The following CSMD1 variants were observed in gnomAD, a reference collection of about 807,000 sequenced individuals.
CSMD1 encodes the protein CUB and sushi domain-containing protein 1.
CSMD1 carries 213 observed loss-of-function variants against 417.5 expected under a neutral mutation model. That is an observed-to-expected ratio of 0.51 (90% CI 0.46 to 0.57). The LOEUF (loss-of-function observed/expected upper bound fraction) is 0.57. Among genes scored for constraint, CSMD1 ranks in the 20% least tolerant of loss-of-function variants. The probability of loss-of-function intolerance (pLI) is 0.00; values close to 1 mark genes in which losing one functional copy is unlikely to be tolerated. For missense variants in CSMD1, 6,923 were observed against 4,529.7 expected (o/e 1.53, Z -15.17); for synonymous variants, 2,862 against 1,736.8 (o/e 1.65, Z -16.11).
intron 22 of CSMD1, among the ~76,000 whole-genome samples, chr8:3,344,532 C>T (rs146066294): frequency 0.011 from 1,670 of 152,258 alleles, 36 homozygotes; most frequent in African/African-American, 0.038. Context: ...TAGGTGGGCA[C>T]GGCTAATCCA....
chr8:3,563,910 C>T (rs1200726880), intron 10 of CSMD1, among the ~76,000 whole-genome samples: 1 of 152,082 alleles, frequency 6.6e-6, no homozygotes, highest in Non-Finnish European at 1.5e-5. Flanking sequence ...AACAGACAAA[C>T]ACACCAACAT....
At chr8:3,777,223 A>G (rs1205395390) in intron 5 of CSMD1, among the ~76,000 whole-genome samples, 7 of 152,050 alleles carry the variant, frequency 4.6e-5, no homozygotes, top group African/African-American at 1.4e-4. Context: ...GCCTTCTCCT[A>G]TAGAACATGA....
At chr8:4,804,379 G>GCC (rs1294449849) in intron 1 of CSMD1, among the ~76,000 whole-genome samples, 2 of 151,932 alleles carry the variant, frequency 1.3e-5, no homozygotes, top group Admixed American at 6.6e-5. Context: ...TTTGATGCAG[G>GCC]TATTTTAAGA....
intron 2 of CSMD1, among the ~76,000 whole-genome samples, chr8:4,462,283 AAATTT>A (rs1246533227): frequency 6.6e-6 from 1 of 152,222 alleles, no homozygotes; most frequent in African/African-American, 2.4e-5. Context: ...AATTAGGAAT[AAATTT>A]AACAAAATAA....
In CSMD1 at chr8:4,925,616, G is replaced by C. The variant is rs532499083; in HGVS notation, c.85+68716C>G. On this transcript the variant is annotated intron_variant, in intron 1 of 69. Transcript: ENST00000635120. ...GGCTGGAGTGCAGTGGTGCAGTCTC[G>C]GCTCACTGCAAGCTCTGCCTCCCGG... 1.4e-3 allele frequency among the ~76,000 whole-genome samples: 211 copies of C among 150,170 alleles called. 1 individual carries two copies. The highest frequency in any genetic ancestry group is 5.1e-3 in the African/African-American group (207 of 40,764).
chr8:3,603,721 A>G (rs1801472710), intron 8 of CSMD1, among the ~76,000 whole-genome samples: 2 of 152,200 alleles, frequency 1.3e-5, no homozygotes, highest in Non-Finnish European at 2.9e-5. Flanking sequence ...AATTTTCTTA[A>G]AAAACCCCCT....
intron 9 of CSMD1, among the ~76,000 whole-genome samples, chr8:3,579,991 C>T (rs1800314175): frequency 6.6e-6 from 1 of 152,074 alleles, no homozygotes; most frequent in Non-Finnish European, 1.5e-5. Context: ...GTAATCCCAG[C>T]TACTCAGGAG....
chr8:3,012,588 A>G (rs558879943), intron 52 of CSMD1, among the ~76,000 whole-genome samples: 1 of 152,344 alleles, frequency 6.6e-6, no homozygotes, highest in Non-Finnish European at 1.5e-5. Flanking sequence ...TGCTTTTGTC[A>G]AAAAATCTTG....
intron 3 of CSMD1, among the ~76,000 whole-genome samples, chr8:4,171,944 G>A (rs967226102): frequency 3.9e-5 from 6 of 152,062 alleles, no homozygotes; most frequent in African/African-American, 1.4e-4. Context: ...TAGATTTTGT[G>A]TTCTTTCTTG....
At position 3,355,322 on chromosome 8, in the gene CSMD1, G is replaced by C. The variant is rs574684008; in HGVS notation, c.3304+3830C>G. ...AAATGATGTCATAGATGCAATATTA[G>C]GTTATGGAATTATAGCAAACATTTA... is the stretch of plus-strand genomic sequence containing the variant. On this transcript the variant is annotated intron_variant, in intron 21 of 69. Coordinates refer to ENST00000635120, the MANE Select transcript of CSMD1 (RefSeq NM_033225.6). Among the ~76,000 whole-genome samples, 19 of 152,090 alleles carry C rather than the reference G, an allele frequency of 1.2e-4. No homozygotes were observed. The East Asian group carries it at 1.9e-3, about 15-fold the overall frequency.
At chr8:4,336,367 G>A (rs1167096878) in intron 3 of CSMD1, among the ~76,000 whole-genome samples, 1 of 152,078 alleles carries the variant, frequency 6.6e-6, no homozygotes, top group Non-Finnish European at 1.5e-5. Context: ...TCATTAACAG[G>A]CAACTGTGCC....
intron 10 of CSMD1, among the ~76,000 whole-genome samples, chr8:3,554,035 T>C (rs1034229928): frequency 1.3e-5 from 2 of 152,174 alleles, no homozygotes; most frequent in Non-Finnish European, 2.9e-5. Flanking sequence ...TAAGTAAACA[T>C]TATAGTTTTG....
At chr8:4,443,581 T>C (rs1026889183) in intron 2 of CSMD1, among the ~76,000 whole-genome samples, 4 of 151,768 alleles carry the variant, frequency 2.6e-5, no homozygotes, top group East Asian at 3.8e-4. Context: ...ATGAATAATA[T>C]GCATTTGCTT....
chr8:4,398,769 T>G (rs7014697), intron 3 of CSMD1, among the ~76,000 whole-genome samples: 1 of 152,212 alleles, frequency 6.6e-6, no homozygotes, highest in Non-Finnish European at 1.5e-5. Flanking sequence ...TTATCAAAAT[T>G]ATTGATCAGC....
intron 3 of CSMD1, among the ~76,000 whole-genome samples, chr8:4,395,043 C>G (rs994003611): frequency 6.6e-6 from 1 of 152,166 alleles, no homozygotes; most frequent in Non-Finnish European, 1.5e-5. Flanking sequence ...TCCCATATCC[C>G]TTTCCCGTGC....
chr8:4,417,367 T>G (rs1342407164), intron 3 of CSMD1, among the ~76,000 whole-genome samples: 1 of 152,024 alleles, frequency 6.6e-6, no homozygotes, highest in Non-Finnish European at 1.5e-5. Flanking sequence ...ACAGTTGAGT[T>G]TGGTGTCCGG....
At chr8:4,409,213 T>G (rs1796509724) in intron 3 of CSMD1, among the ~76,000 whole-genome samples, 1 of 152,196 alleles carries the variant, frequency 6.6e-6, no homozygotes, top group Non-Finnish European at 1.5e-5. Context: ...GAAATGAATT[T>G]GATTGATGAA....
At chr8:3,155,883 T>C (rs1302571713) in intron 39 of CSMD1, among the ~76,000 whole-genome samples, 1 of 151,832 alleles carries the variant, frequency 6.6e-6, no homozygotes, top group African/African-American at 2.4e-5. Context: ...TTTTTTGTTT[T>C]ACAGGTTTCG....
At chr8:3,363,278 A>T (rs988969543) in intron 20 of CSMD1, among the ~76,000 whole-genome samples, 6 of 152,200 alleles carry the variant, frequency 3.9e-5, no homozygotes, top group African/African-American at 1.2e-4. Flanking sequence ...TCAACCACAG[A>T]AGAAGAAACA....
Sources: allele counts gnomAD v4.1 joint callset (sites outside exome capture counted in the v4.1 genomes callset), GRCh38; gene constraint gnomAD v4.1.1; transcripts MANE v1.5; gene names NCBI Gene and HGNC (gene_info 2026-07-23, HGNC 2026-07-21).